Variants in KLF12 observed in about 807,000 individuals in gnomAD.
KLF12 encodes the protein KLF transcription factor 12.
KLF12 carries 9 observed loss-of-function variants against 37.8 expected under a neutral mutation model. That is an observed-to-expected ratio of 0.24 (90% confidence interval 0.14 to 0.42). KLF12 has a LOEUF of 0.42. KLF12 is among the 10% of genes least tolerant of loss of function. KLF12 has a pLI of 1.00. For synonymous variants in KLF12, 208 were observed against 202.1 expected (o/e 1.03, Z -0.25); for missense variants, 411 against 516.0 (o/e 0.80, Z 1.97).
chr13:74,112,820 G>A (rs1877060581), intron 1 of KLF12, among the ~76,000 whole-genome samples: 1 of 152,180 alleles, frequency 6.6e-6, no homozygotes, highest in Non-Finnish European at 1.5e-5. Context: ...CACTAGAAAT[G>A]AGTAAGTTTA....
intron 2 of KLF12, among the ~76,000 whole-genome samples, chr13:73,956,328 A>G (rs1007373376): frequency 3.3e-5 from 5 of 152,176 alleles, no homozygotes; most frequent in Admixed American, 2.6e-4. Flanking sequence ...CAATAGAGAG[A>G]GTATATTTGA....
chr13:73,848,552 TTATA>T (rs1256817174), intron 3 of KLF12, among the ~76,000 whole-genome samples: 1 of 148,188 alleles, frequency 6.7e-6, no homozygotes, highest in Non-Finnish European at 1.5e-5. Flanking sequence ...TAGCTATATA[TTATA>T]TATAATATAT....
intron 4 of KLF12, among the ~76,000 whole-genome samples, chr13:73,842,804 C>T (rs1449356276): frequency 6.6e-6 from 1 of 152,208 alleles, no homozygotes; most frequent in Non-Finnish European, 1.5e-5. Flanking sequence ...TTTATTCTCT[C>T]AGCCTTCACT....
intron 2 of KLF12, among the ~76,000 whole-genome samples, chr13:73,972,233 G>C (rs1291733872): frequency 6.6e-6 from 1 of 152,112 alleles, no homozygotes; most frequent in Non-Finnish European, 1.5e-5. Context: ...TTTTGATTCA[G>C]CAGAATAAAG....
At position 74,085,895 on chromosome 13, in the gene KLF12, C is replaced by T. The variant is rs539203157; in HGVS notation, c.-32+47844G>A. ...CTGGAATAGAGATTGCTGGTACCTG[C>T]TAAAATGCTAATTAAAGCAAAGGAT... On this transcript the variant is annotated intron_variant, in intron 1 of 7. Transcript: ENST00000377669. Among the ~76,000 whole-genome samples, 24 of 152,028 alleles carry T rather than the reference C, an allele frequency of 1.6e-4. No homozygotes were observed. In the South Asian group the frequency reaches 1.9e-3, roughly 12 times the overall value.
the KLF12 span, among the ~76,000 whole-genome samples, chr13:74,276,348 A>G: frequency 6.6e-6 from 1 of 152,120 alleles, no homozygotes; most frequent in Non-Finnish European, 1.5e-5. Flanking sequence ...CCTGGCCTCA[A>G]GCAATCCTTC....
chr13:74,047,216 G>A (rs1893570232), intron 1 of KLF12, among the ~76,000 whole-genome samples: 1 of 152,114 alleles, frequency 6.6e-6, no homozygotes, highest in African/African-American at 2.4e-5. Context: ...TAACAGCTGT[G>A]AGGATTTGCC....
chr13:73,943,335 AC>A (rs555680465), intron 3 of KLF12, among the ~76,000 whole-genome samples: 74 of 152,340 alleles, frequency 4.9e-4, no homozygotes, highest in Non-Finnish European at 1.9e-4. Flanking sequence ...TATGCTCTTA[AC>A]TAAACCAGTG....
chr13:73,946,074 C>A (rs1021527784), intron 2 of KLF12, among the ~76,000 whole-genome samples: 3 of 152,140 alleles, frequency 2.0e-5, no homozygotes. Flanking sequence ...CTCGACTCTC[C>A]GGAGTCTGGC....
At chr13:73,819,711 A>T (rs1382488951) in intron 4 of KLF12, among the ~76,000 whole-genome samples, 3 of 152,202 alleles carry the variant, frequency 2.0e-5, no homozygotes, top group African/African-American at 7.2e-5. Context: ...GAAGCAGGGA[A>T]AGCAGATGGG....
intron 2 of KLF12, among the ~76,000 whole-genome samples, chr13:73,945,900 T>C (rs1199329148): frequency 6.6e-6 from 1 of 152,162 alleles, no homozygotes; most frequent in Non-Finnish European, 1.5e-5. Context: ...TGAGCTTGGG[T>C]GAGTTGTTCT....
intron 1 of KLF12, among the ~76,000 whole-genome samples, chr13:74,020,979 G>C (rs993894696): frequency 6.6e-6 from 1 of 151,966 alleles, no homozygotes; most frequent in Non-Finnish European, 1.5e-5. Flanking sequence ...CAAGTCTCAT[G>C]GTTTTCCATT....
intron 3 of KLF12, among the ~76,000 whole-genome samples, chr13:73,852,780 G>GCAAAA (rs1339224361): frequency 2.0e-5 from 3 of 150,934 alleles, no homozygotes; most frequent in African/African-American, 2.4e-5. Context: ...CCATCTCAAA[G>GCAAAA]CAAAACAAAA....
chr13:74,091,624 A>G (rs1875665298), intron 1 of KLF12, among the ~76,000 whole-genome samples: 1 of 152,196 alleles, frequency 6.6e-6, no homozygotes, highest in South Asian at 2.1e-4. Context: ...AATTATGACT[A>G]TAAATGTAAA....
At chr13:74,063,368 C>T (rs1202169690) in intron 1 of KLF12, among the ~76,000 whole-genome samples, 1 of 152,300 alleles carries the variant, frequency 6.6e-6, no homozygotes, top group East Asian at 1.9e-4. Flanking sequence ...AAAGCCAATA[C>T]CATGCATTCA....
chr13:74,274,748 T>G, the KLF12 span, among the ~76,000 whole-genome samples: 1 of 152,118 alleles, frequency 6.6e-6, no homozygotes, highest in African/African-American at 2.4e-5. Context: ...TCTTTATGTA[T>G]GTGTAAGCAT....
At chr13:74,002,694 G>A (rs554306204) in intron 1 of KLF12, among the ~76,000 whole-genome samples, 97 of 152,288 alleles carry the variant, frequency 6.4e-4, no homozygotes, top group East Asian at 5.8e-4. Flanking sequence ...AATCAAAAAC[G>A]ACTCCTTTAA....
the KLF12 span, among the ~76,000 whole-genome samples, chr13:74,272,938 AAGAAT>A: frequency 8.3e-4 from 126 of 152,294 alleles, no homozygotes; most frequent in African/African-American, 2.8e-3. Flanking sequence ...AAAGCTTAAA[AAGAAT>A]AGACCAGCTG....
At chr13:73,710,507 G>A (rs1056321533) in intron 7 of KLF12, among the ~76,000 whole-genome samples, 1 of 123,746 alleles carries the variant, frequency 8.1e-6, no homozygotes, top group African/African-American at 3.6e-5. Flanking sequence ...TTGCATCTTT[G>A]TGTGATACTT....
Sources: allele counts gnomAD v4.1 joint callset (sites outside exome capture counted in the v4.1 genomes callset), GRCh38; gene constraint gnomAD v4.1.1; transcripts MANE v1.5; gene names NCBI Gene and HGNC (gene_info 2026-07-23, HGNC 2026-07-21).